The following EPHA6 variants were observed in gnomAD, a reference collection of about 807,000 sequenced individuals.
EPHA6 encodes EPH receptor A6.
Under a neutral mutation model 112.0 loss-of-function variants are expected in EPHA6, and 50 were observed. The ratio of observed to expected loss-of-function variants is 0.45; its 90% CI spans 0.36 to 0.56. The LOEUF is 0.56. EPHA6 is among the 20% of genes least tolerant of loss of function. The pLI, the probability that EPHA6 is intolerant of heterozygous loss-of-function variation, is 0.00. For synonymous variants in EPHA6, 529 were observed against 490.7 expected (o/e 1.08, Z -1.03); for missense variants, 1,280 against 1,417.4 (o/e 0.90, Z 1.56).
At chr3:97,060,810 G>A (rs1236417195) in intron 3 of EPHA6, among the ~76,000 whole-genome samples, 1 of 150,574 alleles carries the variant, frequency 6.6e-6, no homozygotes. Flanking sequence ...TGTAGTCCCA[G>A]CTACTCCGGA....
chr3:97,445,451 A>C (rs2107302523), intron 6 of EPHA6, among the ~76,000 whole-genome samples: 1 of 152,306 alleles, frequency 6.6e-6, no homozygotes, highest in East Asian at 1.9e-4. Flanking sequence ...TCCCACAAAG[A>C]ATTTTTTAAA....
chr3:97,605,255 CAAGTA>C (rs1325181475), intron 12 of EPHA6, among the ~76,000 whole-genome samples: 1 of 150,772 alleles, frequency 6.6e-6, no homozygotes, highest in Non-Finnish European at 1.5e-5. Context: ...GAGGAAGGTG[CAAGTA>C]AAGTAATATT....
chr3:97,648,339 A>G, intron 14 of EPHA6: 5 of 1,601,926 alleles, frequency 3.1e-6, no homozygotes, highest in Non-Finnish European at 4.3e-6. Flanking sequence ...AAATTCTGAG[A>G]AAAGCCAAAT....
intron 2 of EPHA6, among the ~76,000 whole-genome samples, chr3:96,917,763 T>C (rs1236882401): frequency 9.2e-5 from 14 of 151,856 alleles, no homozygotes; most frequent in Non-Finnish European, 2.1e-4. Flanking sequence ...AAAAAATGTC[T>C]CACCAAACAA....
At chr3:97,112,786 A>C (rs2047762754) in intron 3 of EPHA6, among the ~76,000 whole-genome samples, 1 of 151,952 alleles carries the variant, frequency 6.6e-6, no homozygotes, top group Non-Finnish European at 1.5e-5. Flanking sequence ...TACTCCTTTT[A>C]GTTTTTTCCT....
At chr3:96,944,629 C>G (rs1328759051) in intron 2 of EPHA6, among the ~76,000 whole-genome samples, 1 of 152,140 alleles carries the variant, frequency 6.6e-6, no homozygotes, top group African/African-American at 2.4e-5. Context: ...GTGGCCAAGG[C>G]GGGTGGATCA....
chr3:97,041,322 C>G (rs1222759896), intron 3 of EPHA6, among the ~76,000 whole-genome samples: 1 of 152,006 alleles, frequency 6.6e-6, no homozygotes, highest in Non-Finnish European at 1.5e-5. Context: ...TTTTGCCAGT[C>G]CTTGTCCCTC....
intron 5 of EPHA6, among the ~76,000 whole-genome samples, chr3:97,385,004 C>T (rs1161838564): frequency 3.3e-5 from 5 of 152,146 alleles, no homozygotes; most frequent in South Asian, 4.2e-4. Context: ...GTATAAATAC[C>T]TTCATCATGG....
In EPHA6 at chr3:97,750,938, T is replaced by C. The variant is rs1397651063; in HGVS notation, c.*2237T>C. Among the ~76,000 whole-genome samples the C allele has an allele frequency of 6.6e-6, 1 of 152,170 alleles. No individual in the cohort carries two copies. Among genetic ancestry groups the C allele is most frequent in the Non-Finnish European group, 1.5e-5 (1 of 68,034 alleles). On this transcript the variant is annotated 3_prime_UTR_variant, in exon 18 of 18. Coordinates refer to ENST00000389672, the MANE Select transcript of EPHA6 (RefSeq NM_001080448.3). ...ATCAACCTGCATGGTTGTGCATCAC[T>C]CATAGACTATCTGCAGTTTGCTTGA... is the stretch of plus-strand genomic sequence containing the variant.
At chr3:96,969,718 C>G (rs1243875013) in intron 2 of EPHA6, among the ~76,000 whole-genome samples, 1 of 151,992 alleles carries the variant, frequency 6.6e-6, no homozygotes, top group Non-Finnish European at 1.5e-5. Flanking sequence ...CAAACCAACA[C>G]TCCACCAAAT....
At chr3:97,579,567 C>A (rs1315666213) in intron 11 of EPHA6, among the ~76,000 whole-genome samples, 1 of 152,146 alleles carries the variant, frequency 6.6e-6, no homozygotes, top group Non-Finnish European at 1.5e-5. Context: ...TCTCCATTGA[C>A]CCTACCTTAT....
chr3:97,256,401 A>G (rs1488037973), intron 5 of EPHA6, among the ~76,000 whole-genome samples: 1 of 151,924 alleles, frequency 6.6e-6, no homozygotes, highest in Non-Finnish European at 1.5e-5. Context: ...AATTTGGCCA[A>G]TAGGGACCTG....
intron 2 of EPHA6, among the ~76,000 whole-genome samples, chr3:96,900,158 T>C (rs1253888397): frequency 1.3e-5 from 2 of 152,178 alleles, no homozygotes; most frequent in African/African-American, 4.8e-5. Flanking sequence ...TACTGATCTT[T>C]TTATTGCTAA....
Position 97,646,720 on chromosome 3 carries a change from C to T in EPHA6, c.2784+8638C>T, listed in dbSNP as rs577118806. On this transcript the variant is annotated intron_variant, in intron 14 of 17. Coordinates refer to ENST00000389672, the MANE Select transcript of EPHA6 (RefSeq NM_001080448.3). ...ATCCTGAGCTACTGTGTAGGTCCAC[C>T]ATGCACTGGGTACCTATTTGCCAAA... Among the ~76,000 whole-genome samples, 169 of 152,164 alleles carry T rather than the reference C, an allele frequency of 1.1e-3. 3 individuals are homozygous for T. The highest frequency in any genetic ancestry group is 4.9e-4 in the Non-Finnish European group (33 of 67,986).
chr3:97,112,947 T>C (rs1006064094), intron 3 of EPHA6, among the ~76,000 whole-genome samples: 2 of 152,138 alleles, frequency 1.3e-5, no homozygotes, highest in Non-Finnish European at 2.9e-5. Context: ...CAGGTCATGT[T>C]TGTGAACCTA....
At chr3:97,495,605 T>C (rs1181153161) in intron 10 of EPHA6, among the ~76,000 whole-genome samples, 1 of 152,122 alleles carries the variant, frequency 6.6e-6, no homozygotes, top group Non-Finnish European at 1.5e-5. Flanking sequence ...TCCATGTCTT[T>C]TTCCATCTCA....
intron 6 of EPHA6, among the ~76,000 whole-genome samples, chr3:97,409,874 A>C (rs191207990): frequency 1.7e-3 from 257 of 152,232 alleles, no homozygotes; most frequent in African/African-American, 5.9e-3. Flanking sequence ...TTATATCCAG[A>C]TGTTCAATAA....
At chr3:97,398,455 G>A (rs1172980032) in intron 5 of EPHA6, among the ~76,000 whole-genome samples, 1 of 151,262 alleles carries the variant, frequency 6.6e-6, no homozygotes, top group Non-Finnish European at 1.5e-5. Context: ...GGTTTATTAA[G>A]AGCGAATGTG....
chr3:97,052,415 A>AT (rs138953805), intron 3 of EPHA6, among the ~76,000 whole-genome samples: 2,296 of 151,674 alleles, frequency 0.015, 70 homozygotes, highest in African/African-American at 0.052. Flanking sequence ...AAAGACTTTA[A>AT]TTTTTTTTTC....
Sources: gnomAD v4.1 joint callset for allele counts (sites outside exome capture counted in the v4.1 genomes callset) on GRCh38, gnomAD v4.1.1 for gene constraint, MANE v1.5 for transcripts, NCBI Gene and HGNC (gene_info 2026-07-23, HGNC 2026-07-21) for gene names.